The following FAM181A variants were observed in gnomAD, a reference collection of about 807,000 sequenced individuals.
FAM181A encodes the protein family with sequence similarity 181 member A, also known as protein FAM181A.
FAM181A carries 7 observed loss-of-function variants against 16.3 expected under a neutral mutation model. The ratio of observed to expected loss-of-function variants is 0.43; its 90% CI spans 0.24 to 0.81. The LOEUF (loss-of-function observed/expected upper bound fraction) is 0.81. FAM181A is among the 30% of genes least tolerant of loss of function. The pLI is 0.24. For missense variants in FAM181A, 349 were observed against 377.5 expected (o/e 0.92, Z 0.63); for synonymous variants, 183 against 164.9 (o/e 1.11, Z -0.84).
intron 1 of FAM181A, among the ~76,000 whole-genome samples, chr14:93,920,617 C>T (rs1241550619): frequency 2.6e-5 from 4 of 152,154 alleles, no homozygotes; most frequent in Non-Finnish European, 5.9e-5. Flanking sequence ...AAAAATTCAT[C>T]TGACAAAATT....
upstream of FAM181A, among the ~76,000 whole-genome samples, chr14:93,926,709 C>T (rs567835413): frequency 1.3e-5 from 2 of 151,788 alleles, no homozygotes; most frequent in East Asian, 1.9e-4. The surrounding 1 kb of genome is among the most constrained non-coding windows in gnomAD (Gnocchi z 5.2). Context: ...AGTCCTTCCT[C>T]GGCCACCTTT....
chr14:93,922,029 G>T (rs1887745467), intron 1 of FAM181A: 2 of 152,174 alleles, frequency 1.3e-5, no homozygotes, highest in South Asian at 2.1e-4. Context: ...GTGGCTGGCA[G>T]AGCAGAGCTC....
At chr14:93,923,719 A>C (rs1478350544), upstream of FAM181A, 1 of 152,278 alleles carries the variant, frequency 6.6e-6, no homozygotes, top group Non-Finnish European at 1.5e-5. Flanking sequence ...TCAGCGGCCC[A>C]GCTTATCCAA....
At position 93,928,633 on chromosome 14, in the gene FAM181A, G is replaced by A. The variant is rs544829803; in HGVS notation, c.348G>A (p.Gln116=). The change falls in exon 2 of 2, where the codon CAG becomes CAA. Residue 116 remains glutamine, a synonymous_variant. Transcript: ENST00000556222. ...EECLAKEQLP[Q]RQHPEAAQPG... Reference sequence around the variant, plus strand: ...GTCTTGCTAAGGAGCAGCTCCCACAGAGGCAGCATCCAGAAGCTGCCCAGC... The same window carrying A: ...GTCTTGCTAAGGAGCAGCTCCCACAAAGGCAGCATCCAGAAGCTGCCCAGC... 35 of 1,613,990 alleles carry A rather than the reference G, an allele frequency of 2.2e-5. No homozygotes were observed. The South Asian group carries it at 3.2e-4, about 15-fold the overall frequency.
chr14:93,927,759 C>A, intron 1 of FAM181A: 1 of 772,762 alleles, frequency 1.3e-6, no homozygotes, highest in Non-Finnish European at 1.7e-6. Flanking sequence ...GGGGAGGCTA[C>A]CACCAGGGAG....
In FAM181A at chr14:93,927,908, T is replaced by C. The variant is rs532722154; in HGVS notation, c.-87-291T>C. 1.3e-4 allele frequency among the ~76,000 whole-genome samples: 20 copies of C among 152,246 alleles called. No individual in the cohort carries two copies. The South Asian group carries it at 4.1e-3, about 32-fold the overall frequency. On this transcript the variant is annotated intron_variant, in intron 1 of 1. Coordinates refer to ENST00000556222, the MANE Select transcript of FAM181A (RefSeq NM_001207073.2). ...TGGGAGTGTGTGCCAGCCCCAGCAA[T>C]GCCACCTGTAGCTGGGTCACCTTGG... is the stretch of plus-strand genomic sequence containing the variant.
At chr14:93,926,920 C>T (rs1887926201), upstream of FAM181A, 1 of 152,668 alleles carries the variant, frequency 6.6e-6, no homozygotes, top group African/African-American at 2.4e-5. This position sits in a 1 kb window ranked among gnomAD's most constrained non-coding sequence, Gnocchi z 5.2. Context: ...CTTACCCCGT[C>T]CGATTGTCTG....
upstream of FAM181A, chr14:93,925,449 C>G: frequency 7.2e-7 from 1 of 1,379,876 alleles, no homozygotes; most frequent in Non-Finnish European, 9.9e-7. Flanking sequence ...CAGTAGGCAG[C>G]AGGGAGCTGG....
chr14:93,927,386 G>C lies in FAM181A; in HGVS notation c.-156G>C. Reference sequence around the variant, plus strand: ...CGGACGGAGCTCGGCCGGCTGCGCCGGGGCCTGTCCCAGGTCTGCAGTGGG... The same window carrying C: ...CGGACGGAGCTCGGCCGGCTGCGCCCGGGCCTGTCCCAGGTCTGCAGTGGG... On this transcript the variant is annotated 5_prime_UTR_variant, in exon 1 of 2. Coordinates refer to ENST00000556222, the MANE Select transcript of FAM181A (RefSeq NM_001207073.2). 1 of 1,141,248 alleles carries C rather than the reference G, an allele frequency of 8.8e-7. No individual in the cohort carries two copies. Among genetic ancestry groups the C allele is most frequent in the Non-Finnish European group, 1.1e-6 (1 of 916,600 alleles). 70.7% of individuals were successfully genotyped at this position (1,141,248 alleles called of 1,614,324 possible).
At chr14:93,923,623 A>C (rs1220165176), upstream of FAM181A, 1 of 152,222 alleles carries the variant, frequency 6.6e-6, no homozygotes, top group Non-Finnish European at 1.5e-5. Context: ...AATGGAGTTG[A>C]TGCAAAGCTG....
upstream of FAM181A, chr14:93,925,135 G>C: frequency 1.3e-6 from 1 of 742,026 alleles, no homozygotes; most frequent in Non-Finnish European, 2.2e-6. Context: ...CACGGGCCTG[G>C]TGGGGAGGCT....
chr14:93,927,538 C>G (rs1238812748), intron 1 of FAM181A, 84 bp downstream of exon 1: 3 of 1,281,902 alleles, frequency 2.3e-6, no homozygotes, highest in Admixed American at 4.6e-5. Flanking sequence ...GGCGAGGTGC[C>G]GTGGGTGGCG....
rs199682227 is a variant in FAM181A, at chr14:93,928,509, G to A, written c.224G>A (p.Arg75Gln). 30 of 1,610,030 alleles carry A rather than the reference G, an allele frequency of 1.9e-5. No homozygotes were observed. The highest frequency in any genetic ancestry group is 1.2e-4 in the African/African-American group (9 of 74,834). Residue 75 changes from arginine to glutamine, a missense_variant, in exon 2 of 2, where the codon CGG becomes CAG. By Grantham distance (43) the Arg-to-Gln change is conservative. Coordinates refer to ENST00000556222, the MANE Select transcript of FAM181A (RefSeq NM_001207073.2). ...EPYLKRGSED[R>Q]PRRLLLDLGP... ...TACCTGAAAAGGGGGTCTGAGGACCGGCCCAGGAGGCTGCTCCTGGATTTG... is the reference window on the plus strand; with the variant it reads ...TACCTGAAAAGGGGGTCTGAGGACCAGCCCAGGAGGCTGCTCCTGGATTTG...
Position 93,928,551 on chromosome 14 carries a change from C to T in FAM181A, c.266C>T (p.Pro89Leu), listed in dbSNP as rs1423676332. ...LLLDLGPDSS[P>L]GGGGGCKEKV... ...CTGGATTTGGGCCCTGATTCCAGCC[C>T]CGGCGGGGGTGGGGGCTGCAAGGAG... The change falls in exon 2 of 2, where the codon CCC becomes CTC. Residue 89 changes from proline (P) to leucine (L), a missense_variant. By Grantham distance (98) the Pro-to-Leu change is moderately conservative (BLOSUM62 -3). Coordinates refer to ENST00000556222, the MANE Select transcript of FAM181A (RefSeq NM_001207073.2). The T allele has an allele frequency of 4.3e-6, 7 of 1,613,024 alleles. No homozygotes were observed. Among genetic ancestry groups the T allele is most frequent in the Non-Finnish European group, 5.1e-6 (6 of 1,179,448 alleles).
upstream of FAM181A, chr14:93,925,090 C>CT: frequency 1.8e-6 from 1 of 570,302 alleles, no homozygotes; most frequent in African/African-American, 1.9e-5. Flanking sequence ...TTTGGAAAGA[C>CT]TTTCGTAAGA....
intron 1 of FAM181A, among the ~76,000 whole-genome samples, chr14:93,920,326 G>C (rs753047203): frequency 1.1e-4 from 16 of 152,134 alleles, no homozygotes; most frequent in Non-Finnish European, 1.8e-4. Flanking sequence ...TGAGGTGGGA[G>C]GATTGCTTGA....
chr14:93,922,796 T>C (rs1887774092), upstream of FAM181A, among the ~76,000 whole-genome samples: 1 of 152,244 alleles, frequency 6.6e-6, no homozygotes, highest in Non-Finnish European at 1.5e-5. Context: ...AAACAAAGTA[T>C]GGCTGATGGC....
Position 93,928,872 on chromosome 14 carries a change from C to T in FAM181A, c.587C>T (p.Pro196Leu), listed in dbSNP as rs149056402. Residue 196 changes from proline (P) to leucine (L), a missense_variant, in exon 2 of 2, where the codon CCG becomes CTG. Physicochemically the swap from Pro to Leu is moderately conservative, Grantham distance 98 (BLOSUM62 -3). Coordinates refer to ENST00000556222, the MANE Select transcript of FAM181A (RefSeq NM_001207073.2). ...MSPRALAEKE[P>L]LKMPGVSLVG... ...CCAAGGGCCCTGGCTGAAAAGGAGC[C>T]GCTCAAGATGCCTGGGGTCTCCTTG... The T allele has an allele frequency of 3.6e-5, 58 of 1,614,034 alleles. No individual in the cohort carries two copies. Among genetic ancestry groups the T allele is most frequent in the African/African-American group, 1.3e-4 (10 of 74,934 alleles).
upstream of FAM181A, among the ~76,000 whole-genome samples, chr14:93,924,787 G>A (rs952366807): frequency 9.2e-5 from 14 of 152,314 alleles, no homozygotes; most frequent in Middle Eastern, 0.014. Context: ...GGACACAGAC[G>A]GGCCTGGCTT....
Sources: gnomAD v4.1 joint callset for allele counts (sites outside exome capture counted in the v4.1 genomes callset) on GRCh38, gnomAD v4.1.1 for gene constraint, Gnocchi (gnomAD v3.1) non-coding constraint, MANE v1.5 for transcripts, NCBI Gene and HGNC (gene_info 2026-07-23, HGNC 2026-07-21) for gene names.